The following GRK4 variants were observed in gnomAD, a reference collection of about 807,000 sequenced individuals.
The protein encoded by GRK4 is G protein-coupled receptor kinase 2-like.
A neutral mutation model predicts 77.9 loss-of-function variants in GRK4; 73 were observed. The observed-to-expected ratio is 0.94, with a 90% CI of 0.78 to 1.14. GRK4 has a LOEUF of 1.14. Among genes scored for constraint, GRK4 ranks in the 50% most tolerant of loss-of-function variants. The pLI, the probability that GRK4 is intolerant of heterozygous loss-of-function variation, is 0.00. For synonymous variants in GRK4, 257 were observed against 254.4 expected (o/e 1.01, Z -0.10); for missense variants, 729 against 700.2 (o/e 1.04, Z -0.46).
At chr4:2,964,823 C>T (rs965776896) in intron 1 of GRK4, among the ~76,000 whole-genome samples, 2 of 152,124 alleles carry the variant, frequency 1.3e-5, no homozygotes, top group Non-Finnish European at 2.9e-5. Context: ...AAAAGAAGAA[C>T]AAGTTTTCTT....
intron 1 of GRK4, among the ~76,000 whole-genome samples, chr4:2,967,187 A>G (rs932662982): frequency 1.3e-5 from 2 of 152,234 alleles, no homozygotes; most frequent in Non-Finnish European, 2.9e-5. Flanking sequence ...AGCTTCCAGA[A>G]CTGTGAGAAA....
chr4:2,996,461 A>G (rs1727946356), intron 4 of GRK4, among the ~76,000 whole-genome samples: 1 of 152,118 alleles, frequency 6.6e-6, no homozygotes, highest in East Asian at 1.9e-4. Flanking sequence ...AGGGTGAGGC[A>G]GGAGAATCGC....
rs1427616313 is a variant in GRK4 at position 3,040,586 on chromosome 4, G to C, written c.1698G>C (p.Met566Ile). The change falls in exon 16 of 16, where the codon ATG becomes ATC. Residue 566 changes from methionine to isoleucine, a missense_variant. Coordinates refer to ENST00000398052, the MANE Select transcript of GRK4 (RefSeq NM_182982.3). ...RLFRRGGCLT[M>I]VPSEKEVEPK... Reference sequence around the variant, plus strand: ...GTGTGTTGTAGGGCTGCCTGACCATGGTCCCCAGTGAGAAGGAAGTGGAAC... The same window carrying C: ...GTGTGTTGTAGGGCTGCCTGACCATCGTCCCCAGTGAGAAGGAAGTGGAAC... The C allele has an allele frequency of 3.7e-6, 6 of 1,610,590 alleles. No individual in the cohort carries two copies. The South Asian group carries it at 6.7e-5, about 18-fold the overall frequency.
intron 4 of GRK4, among the ~76,000 whole-genome samples, chr4:2,992,640 C>T (rs1183672651): frequency 1.3e-5 from 2 of 151,702 alleles, no homozygotes; most frequent in Non-Finnish European, 2.9e-5. Flanking sequence ...CAAGGTCATG[C>T]CACTGCATTC....
rs1328985469 is a variant in GRK4, at chr4:3,007,846, A to T, written c.536+18A>T. ...CTGGAAAGGTATGTACTGATTTTAA[A>T]CTTGATAAAAGCCAATTGAGGTGGC... On this transcript the variant is annotated intron_variant, in intron 6 of 15. Transcript: ENST00000398052. The T allele has an allele frequency of 6.4e-7, 1 of 1,566,786 alleles. No homozygotes were observed. Among genetic ancestry groups the T allele is most frequent in the Admixed American group, 1.8e-5 (1 of 56,256 alleles).
chr4:3,020,895 C>G (rs1434165627), intron 9 of GRK4, among the ~76,000 whole-genome samples: 3 of 152,136 alleles, frequency 2.0e-5, no homozygotes, highest in African/African-American at 7.2e-5. Flanking sequence ...CAATATAGTA[C>G]AATTATGATT....
intron 6 of GRK4, among the ~76,000 whole-genome samples, chr4:3,008,970 T>A (rs1732101109): frequency 6.6e-6 from 1 of 152,202 alleles, no homozygotes; most frequent in African/African-American, 2.4e-5. Flanking sequence ...ATACGTCATC[T>A]TCTTCACCTG....
chr4:2,972,605 T>G (rs1441500173), intron 1 of GRK4, among the ~76,000 whole-genome samples: 1 of 152,138 alleles, frequency 6.6e-6, no homozygotes, highest in African/African-American at 2.4e-5. Flanking sequence ...GGGGACCTTT[T>G]GTAGCTGCAG....
chr4:2,972,642 C>T (rs1157488188), intron 1 of GRK4, among the ~76,000 whole-genome samples: 2 of 152,084 alleles, frequency 1.3e-5, no homozygotes, highest in South Asian at 4.2e-4. Flanking sequence ...CATGCCCCAC[C>T]AGGTCTAGTC....
At chr4:3,029,598 CTG>C (rs1429104152) in intron 12 of GRK4, among the ~76,000 whole-genome samples, 189 bp downstream of exon 12, 3 of 152,148 alleles carry the variant, frequency 2.0e-5, no homozygotes, top group African/African-American at 7.2e-5. Context: ...TCGGGTCCAC[CTG>C]TGTCTTGGCC....
At chr4:3,019,528 CAT>C in intron 8 of GRK4, 111 bp from the exon 9 acceptor site, 1 of 900,960 alleles carries the variant, frequency 1.1e-6, no homozygotes, top group Non-Finnish European at 1.7e-6. Flanking sequence ...ATAGTATTCA[CAT>C]GTTCTGATTG....
chr4:3,029,125 CTG>C (rs532896065), intron 11 of GRK4, 74 bp from the exon 12 acceptor site: 173 of 1,118,452 alleles, frequency 1.5e-4, no homozygotes, highest in Non-Finnish European at 2.2e-4. Context: ...TGAATGTATA[CTG>C]TGTTACTGGG....
At chr4:2,965,497 G>C in intron 1 of GRK4, 3 of 702,440 alleles carry the variant, frequency 4.3e-6, no homozygotes, top group Admixed American at 2.0e-5. Context: ...CTGTGCTCCA[G>C]GACAGTGTAA....
intron 8 of GRK4, among the ~76,000 whole-genome samples, chr4:3,015,532 A>G (rs1407977200): frequency 2.0e-5 from 3 of 151,998 alleles, no homozygotes; most frequent in Non-Finnish European, 4.4e-5. Flanking sequence ...AGAATTAGCC[A>G]GGCGTGGTGG....
At chr4:3,009,755 G>C (rs1336401976) in intron 7 of GRK4, 44 bp downstream of exon 7, 1 of 1,445,474 alleles carries the variant, frequency 6.9e-7, no homozygotes, top group East Asian at 2.3e-5. Flanking sequence ...CTAGCTGGGT[G>C]GGGAGCAAGG....
intron 1 of GRK4, among the ~76,000 whole-genome samples, chr4:2,975,854 C>A (rs1000887479): frequency 6.6e-6 from 1 of 152,166 alleles, no homozygotes; most frequent in Non-Finnish European, 1.5e-5. Flanking sequence ...TTGGTTTGTA[C>A]TGAGCTCCTG....
intron 1 of GRK4, among the ~76,000 whole-genome samples, chr4:2,973,372 A>G (rs542569538): frequency 2.0e-5 from 3 of 152,160 alleles, no homozygotes; most frequent in Admixed American, 6.5e-5. Flanking sequence ...TTGTAGTACT[A>G]TGGCTTGAAA....
chr4:3,026,030 C>G (rs1185781185), intron 10 of GRK4, among the ~76,000 whole-genome samples: 1 of 152,242 alleles, frequency 6.6e-6, no homozygotes, highest in African/African-American at 2.4e-5. Flanking sequence ...TTGCGCAGCC[C>G]TCGCTGGTAA....
chr4:3,032,001 A>T (rs1739312682), intron 12 of GRK4, among the ~76,000 whole-genome samples: 1 of 152,152 alleles, frequency 6.6e-6, no homozygotes, highest in African/African-American at 2.4e-5. Context: ...TCCTGGAGCC[A>T]GGGGTCAGCC....
Sources: gnomAD v4.1 joint callset for allele counts (sites outside exome capture counted in the v4.1 genomes callset) on GRCh38, gnomAD v4.1.1 for gene constraint, MANE v1.5 for transcripts, NCBI Gene and HGNC (gene_info 2026-07-23, HGNC 2026-07-21) for gene names.